Variants in CAMKMT observed in about 807,000 individuals in gnomAD.
CAMKMT encodes the protein CaM KMT.
Under a neutral mutation model 48.0 loss-of-function variants are expected in CAMKMT, and 53 were observed. That is an observed-to-expected ratio of 1.10 (90% CI 0.89 to 1.39). The LOEUF (loss-of-function observed/expected upper bound fraction) is 1.39, where lower values mean the gene tolerates loss of function less well. CAMKMT is among the 40% of genes most tolerant of loss of function. CAMKMT has a pLI of 0.00. For synonymous variants in CAMKMT, 165 were observed against 152.3 expected, an observed-to-expected ratio of 1.08 and a Z score of -0.61; for missense variants, 428 against 402.7, an observed-to-expected ratio of 1.06 and a Z score of -0.54.
At chr2:44,543,156 A>T (rs1462712078) in intron 3 of CAMKMT, among the ~76,000 whole-genome samples, 1 of 152,200 alleles carries the variant, frequency 6.6e-6, no homozygotes, top group Non-Finnish European at 1.5e-5. Flanking sequence ...ACTGGGGCAC[A>T]CTTTCTCCCA....
intron 3 of CAMKMT, among the ~76,000 whole-genome samples, chr2:44,569,695 G>T (rs1668804114): frequency 6.6e-6 from 1 of 152,170 alleles, no homozygotes; most frequent in Non-Finnish European, 1.5e-5. Context: ...AGGGAAGCTT[G>T]GGCCCTAGTC....
chr2:44,704,570 G>A (rs1305533334), intron 4 of CAMKMT, among the ~76,000 whole-genome samples: 2 of 150,352 alleles, frequency 1.3e-5, no homozygotes, highest in Non-Finnish European at 2.9e-5. Flanking sequence ...GCACAGCAAG[G>A]TTTTTGCTAT....
chr2:44,621,287 C>CAAAAAAAAAAAA (rs1672181618), intron 3 of CAMKMT, among the ~76,000 whole-genome samples: 1 of 100,348 alleles, frequency 1.0e-5, no homozygotes, highest in African/African-American at 4.1e-5. Flanking sequence ...AAAAAAAAAG[C>CAAAAAAAAAAAA]ATAAGAAAGC....
At chr2:44,539,306 A>G (rs1169823564) in intron 3 of CAMKMT, among the ~76,000 whole-genome samples, 3 of 150,982 alleles carry the variant, frequency 2.0e-5, no homozygotes, top group African/African-American at 4.9e-5. Flanking sequence ...AAAAAACCCA[A>G]AAAACTTCTC....
intron 3 of CAMKMT, among the ~76,000 whole-genome samples, chr2:44,439,362 A>T (rs868561894): frequency 6.6e-6 from 1 of 152,074 alleles, no homozygotes; most frequent in African/African-American, 2.4e-5. Flanking sequence ...CCATCAGCAA[A>T]CAAACATGTA....
chr2:44,598,808 C>A (rs1041070121), intron 3 of CAMKMT, among the ~76,000 whole-genome samples: 1 of 150,030 alleles, frequency 6.7e-6, no homozygotes, highest in Non-Finnish European at 1.5e-5. Flanking sequence ...TAAATAAAGT[C>A]ATGGTTTCAC....
intron 3 of CAMKMT, among the ~76,000 whole-genome samples, chr2:44,521,761 G>A (rs1475983961): frequency 1.3e-5 from 2 of 152,130 alleles, no homozygotes; most frequent in Non-Finnish European, 2.9e-5. Flanking sequence ...TGACTGAGAT[G>A]GGAGTATCCC....
intron 3 of CAMKMT, among the ~76,000 whole-genome samples, chr2:44,636,232 A>G (rs1257533084): frequency 1.3e-5 from 2 of 152,236 alleles, no homozygotes; most frequent in African/African-American, 4.8e-5. Context: ...GGTCCCAGAA[A>G]TCAGTGGTAC....
intron 3 of CAMKMT, among the ~76,000 whole-genome samples, chr2:44,602,903 C>T (rs1296377125): frequency 6.6e-6 from 1 of 151,884 alleles, no homozygotes; most frequent in African/African-American, 2.4e-5. Context: ...TATCACATAC[C>T]AGTCAAACTA....
At chr2:44,688,470 A>G (rs1437665130) in intron 3 of CAMKMT, among the ~76,000 whole-genome samples, 1 of 151,858 alleles carries the variant, frequency 6.6e-6, no homozygotes, top group Non-Finnish European at 1.5e-5. Context: ...CAGCTCTCAT[A>G]CATATATATG....
At chr2:44,732,047 A>ACT (rs1400850246) in intron 7 of CAMKMT, among the ~76,000 whole-genome samples, 1 of 152,122 alleles carries the variant, frequency 6.6e-6, no homozygotes, top group East Asian at 1.9e-4. Flanking sequence ...AAATTCCTGG[A>ACT]CTCAAGTGAT....
chr2:44,498,946 A>C (rs1002900454), intron 3 of CAMKMT, among the ~76,000 whole-genome samples: 1 of 152,188 alleles, frequency 6.6e-6, no homozygotes, highest in African/African-American at 2.4e-5. Flanking sequence ...TCTCAAGTAT[A>C]TAAACAGATA....
intron 3 of CAMKMT, among the ~76,000 whole-genome samples, chr2:44,455,005 C>T (rs375686988): frequency 1.4e-4 from 21 of 152,170 alleles, no homozygotes; most frequent in South Asian, 1.0e-3. Context: ...GGATAGAGGA[C>T]GTTGTATGAG....
At chr2:44,606,520 C>G (rs1447376760) in intron 3 of CAMKMT, among the ~76,000 whole-genome samples, 1 of 152,036 alleles carries the variant, frequency 6.6e-6, no homozygotes, top group African/African-American at 2.4e-5. Flanking sequence ...GCATTTTAGC[C>G]TATCAGTAGT....
At chr2:44,624,171 G>C (rs1307580503) in intron 3 of CAMKMT, among the ~76,000 whole-genome samples, 2 of 152,276 alleles carry the variant, frequency 1.3e-5, no homozygotes, top group East Asian at 1.9e-4. Context: ...TTGATAAAAA[G>C]TTGGGTTGTT....
At chr2:44,631,895 A>G (rs1299567462) in intron 3 of CAMKMT, among the ~76,000 whole-genome samples, 1 of 152,118 alleles carries the variant, frequency 6.6e-6, no homozygotes, top group African/African-American at 2.4e-5. Flanking sequence ...GGTTTAAACT[A>G]TATAACTTTA....
At chr2:44,565,480 G>T (rs1668561727) in intron 3 of CAMKMT, among the ~76,000 whole-genome samples, 1 of 151,998 alleles carries the variant, frequency 6.6e-6, no homozygotes, top group Non-Finnish European at 1.5e-5. Context: ...TGATGTGTGA[G>T]GATTACGTAA....
At chr2:44,572,631 T>G (rs1668975362) in intron 3 of CAMKMT, among the ~76,000 whole-genome samples, 1 of 152,158 alleles carries the variant, frequency 6.6e-6, no homozygotes, top group African/African-American at 2.4e-5. Flanking sequence ...CTGCTTTAAT[T>G]TTTTGGGGTC....
intron 3 of CAMKMT, among the ~76,000 whole-genome samples, chr2:44,439,767 G>A (rs1264284792): frequency 1.3e-5 from 2 of 151,346 alleles, no homozygotes; most frequent in Non-Finnish European, 2.9e-5. Context: ...GAACCCGGGA[G>A]AGCAAGACTC....
Sources: gnomAD v4.1 joint callset for allele counts (sites outside exome capture counted in the v4.1 genomes callset) on GRCh38, gnomAD v4.1.1 for gene constraint, MANE v1.5 for transcripts, NCBI Gene and HGNC (gene_info 2026-07-23, HGNC 2026-07-21) for gene names.